The following FKBP9 variants were observed in gnomAD, a reference collection of about 807,000 sequenced individuals.
The protein encoded by FKBP9 is peptidyl-prolyl cis-trans isomerase FKBP9.
FKBP9 carries 27 observed loss-of-function variants against 55.6 expected under a neutral mutation model. The observed-to-expected ratio is 0.49, with a 90% CI of 0.36 to 0.67. FKBP9 has a LOEUF of 0.67. Among genes scored for constraint, FKBP9 ranks in the 30% least tolerant of loss-of-function variants. The pLI is 0.00. For missense variants in FKBP9, 539 were observed against 742.8 expected, an observed-to-expected ratio of 0.73 and a Z score of 3.19; for synonymous variants, 267 against 296.5, an observed-to-expected ratio of 0.90 and a Z score of 1.02.
Position 32,975,326 on chromosome 7 carries a change from A to G in FKBP9, c.512A>G (p.Tyr171Cys). ...ATCCAGGTGTCTGATTTTGTGAGGT[A>G]CCACTACAACGGGACGTTCCTGGAC... ...RTIQVSDFVR[Y>C]HYNGTFLDGT... The change falls in exon 3 of 10, where the codon TAC becomes TGC. Residue 171 changes from tyrosine to cysteine, a missense_variant. Tyr to Cys is a radical substitution (Grantham distance 194). Coordinates refer to ENST00000242209, the MANE Select transcript of FKBP9 (RefSeq NM_007270.5). 3.1e-6 allele frequency: 5 copies of G among 1,613,972 alleles called. No individual in the cohort carries two copies. The highest frequency in any genetic ancestry group is 4.2e-6 in the Non-Finnish European group (5 of 1,179,842).
chr7:32,990,032 A>G (rs928677001), intron 6 of FKBP9, among the ~76,000 whole-genome samples: 153 of 151,660 alleles, frequency 1.0e-3, no homozygotes, highest in African/African-American at 3.3e-3. Flanking sequence ...TGGTCTTGCT[A>G]TGTTTCCCAG....
rs895107256 is a variant in FKBP9, at chr7:32,974,473, T to C, written c.222-144T>C. 20 of 631,456 alleles carry C rather than the reference T, an allele frequency of 3.2e-5. No individual in the cohort carries two copies. In the African/African-American group the frequency reaches 3.6e-4, roughly 11 times the overall value. The allele number at this position is 631,456 out of a possible 1,614,324, so 39.1% of individuals were successfully genotyped here. A position where few individuals can be genotyped will look rare whatever the true frequency, so the allele number is the denominator to read the frequency against. ...CTACAAGTACTGTCCAGTGGAGATG[T>C]TCCTGTATCAGTAACTCCTAGGCAG... On this transcript the variant is annotated intron_variant, in intron 1 of 9. Transcript: ENST00000242209.
intron 1 of FKBP9, among the ~76,000 whole-genome samples, chr7:32,970,036 G>GTTT (rs537430761): frequency 6.8e-5 from 10 of 146,866 alleles, no homozygotes; most frequent in African/African-American, 2.5e-4. Flanking sequence ...TTTTAGTTTA[G>GTTT]TTTTTTTTTT....
In FKBP9 at chr7:32,957,750, C is replaced by T. The variant is rs772763437; in HGVS notation, c.177C>T (p.Tyr59=). 2.2e-4 allele frequency: 328 copies of T among 1,510,476 alleles called. No homozygotes were observed. Among genetic ancestry groups the T allele is most frequent in the Non-Finnish European group, 2.7e-4 (307 of 1,133,284 alleles). The allele number at this position is 1,510,476 out of a possible 1,614,324, so 93.6% of individuals were successfully genotyped here. ...RTVRSGDFVR[Y]HYVGTFPDGQ... ...TGCGCAGCGGCGACTTCGTGCGCTA[C>T]CACTACGTGGGGACGTTCCCCGACG... The change falls in exon 1 of 10, where the codon TAC becomes TAT. Residue 59 remains tyrosine (Y), a synonymous_variant. Transcript: ENST00000242209.
rs113699411 is a variant in FKBP9 at position 32,958,685 on chromosome 7, C to G, written c.221+891C>G. Among the ~76,000 whole-genome samples, 138 of 152,320 alleles carry G rather than the reference C, an allele frequency of 9.1e-4. 1 individual carries two copies. The highest frequency in any genetic ancestry group is 3.2e-3 in the African/African-American group (132 of 41,566). On this transcript the variant is annotated intron_variant, in intron 1 of 9. Transcript: ENST00000242209. ...CAAAACAAAACACAACACGACACCT[C>G]TCGTGGGCAGGAGGTAGTCCAGGAC... is the stretch of plus-strand genomic sequence containing the variant.
At chr7:32,985,176 TTC>T (rs1366622467) in intron 5 of FKBP9, among the ~76,000 whole-genome samples, 13,086 of 148,644 alleles carry the variant, frequency 0.088, 767 homozygotes, top group East Asian at 0.37. Context: ...CTTTCTTTCT[TTC>T]TTTTTTTTTT....
rs185336791 is a variant in FKBP9 at position 32,980,524 on chromosome 7, G to A, written c.864G>A (p.Thr288=). The A allele has an allele frequency of 2.2e-5, 36 of 1,613,460 alleles. No homozygotes were observed. The highest frequency in any genetic ancestry group is 1.1e-4 in the South Asian group (10 of 91,020). Residue 288 remains threonine, a synonymous_variant, in exon 5 of 10, where the codon ACG becomes ACA. Transcript: ENST00000242209. ...GDFLRYHYNG[T]LLDGTLFDSS... is the part of the protein sequence containing the mutation. ...TTCTCAGGTATCATTACAATGGCAC[G>A]CTTCTGGATGGCACCCTCTTTGATT...
chr7:32,970,268 C>A (rs1468240841), intron 1 of FKBP9, among the ~76,000 whole-genome samples: 1 of 152,026 alleles, frequency 6.6e-6, no homozygotes, highest in Non-Finnish European at 1.5e-5. Context: ...GCAATTTCGG[C>A]TCACCACAAT....
chr7:32,976,634 C>A (rs1416311465), intron 4 of FKBP9, 135 bp downstream of exon 4: 37 of 1,237,926 alleles, frequency 3.0e-5, no homozygotes, highest in Non-Finnish European at 4.1e-5. Context: ...TAACCACTAG[C>A]TACATGTGGC....
intron 5 of FKBP9, among the ~76,000 whole-genome samples, chr7:32,982,475 T>C (rs546739896): frequency 5.4e-4 from 82 of 152,346 alleles, no homozygotes; most frequent in African/African-American, 1.9e-3. Context: ...TACTAATACA[T>C]AGAGAGAAAT....
chr7:32,962,612 TACAGGTGTGCA>T (rs1784048454), intron 1 of FKBP9, among the ~76,000 whole-genome samples: 1 of 151,852 alleles, frequency 6.6e-6, no homozygotes, highest in South Asian at 2.1e-4. Flanking sequence ...TAGCTGGGAT[TACAGGTGTGCA>T]ACACCACACC....
chr7:33,005,177 C>T lies in FKBP9; in HGVS notation c.1539C>T (p.Phe513=), dbSNP rs541221401. 7.4e-6 allele frequency: 12 copies of T among 1,613,378 alleles called. No individual in the cohort carries two copies. In the Admixed American group the frequency reaches 1.8e-4, roughly 25 times the overall value. The change falls in exon 10 of 10, where the codon TTC becomes TTT. Residue 513 remains phenylalanine (F), a splice_region_variant and synonymous_variant. Coordinates refer to ENST00000242209, the MANE Select transcript of FKBP9 (RefSeq NM_007270.5). ...DGNGEVLLEE[F]SEYIHAQVAS... ...TTTCCTGTCCCCTTCTTTTCCAGTT[C>T]TCAGAGTACATTCACGCCCAGGTGG... is the stretch of plus-strand genomic sequence containing the variant.
At chr7:32,979,625 C>G in intron 4 of FKBP9, 3 of 1,348,766 alleles carry the variant, frequency 2.2e-6, no homozygotes, top group Non-Finnish European at 3.1e-6. Flanking sequence ...TTTCTACTAT[C>G]CCAAATTACT....
chr7:32,979,844 T>C (rs926937530), intron 4 of FKBP9, among the ~76,000 whole-genome samples: 3 of 152,208 alleles, frequency 2.0e-5, no homozygotes, highest in African/African-American at 7.2e-5. Context: ...TTTTTTTCTC[T>C]GTTATTCTGC....
intron 7 of FKBP9, 106 bp downstream of exon 7, chr7:32,996,455 A>C (rs547611461): frequency 7.4e-5 from 51 of 684,918 alleles, no homozygotes; most frequent in Non-Finnish European, 1.2e-4. Flanking sequence ...TTTTATCTCC[A>C]TGCTGCCCCA....
chr7:32,982,014 A>T (rs6958075), intron 5 of FKBP9, among the ~76,000 whole-genome samples: 191 of 147,206 alleles, frequency 1.3e-3, no homozygotes, highest in African/African-American at 4.8e-3. Context: ...TAATTTTTCC[A>T]ATGTCTGGAT....
At chr7:32,965,826 T>TATATATATTTGTACAC (rs1554284319) in intron 1 of FKBP9, among the ~76,000 whole-genome samples, 1 of 33,320 alleles carries the variant, frequency 3.0e-5, no homozygotes, top group African/African-American at 1.2e-4. Flanking sequence ...TATATATATA[T>TATATATATTTGTACAC]ATATATATAT....
intron 8 of FKBP9, among the ~76,000 whole-genome samples, chr7:33,001,788 T>C (rs1284239092): frequency 6.6e-6 from 1 of 152,166 alleles, no homozygotes; most frequent in African/African-American, 2.4e-5. Flanking sequence ...ATTCTAAAAG[T>C]TCTGCTGTTA....
chr7:32,998,760 C>T (rs1784866752), intron 7 of FKBP9, among the ~76,000 whole-genome samples: 2 of 152,028 alleles, frequency 1.3e-5, no homozygotes, highest in Admixed American at 1.3e-4. Context: ...GAGGGTGAAG[C>T]AGGCAGGAAG....
Sources: allele counts gnomAD v4.1 joint callset (sites outside exome capture counted in the v4.1 genomes callset), GRCh38; gene constraint gnomAD v4.1.1; transcripts MANE v1.5; gene names NCBI Gene and HGNC (gene_info 2026-07-23, HGNC 2026-07-21).